Variants in MAPDA observed in about 807,000 individuals in gnomAD.
The protein encoded by MAPDA is N6-Methyl-AMP deaminase, also known as N6,N6-dimethyl-AMP deaminase.
At chr15:43,343,151 A>G in the MAPDA span, 4 of 1,050,412 alleles carry the variant, frequency 3.8e-6, no homozygotes, top group East Asian at 5.6e-5. Flanking sequence ...TCATGGGTGT[A>G]ATGGATTTTT....
At chr15:43,349,110 T>G in the MAPDA span, 18 of 1,611,052 alleles carry the variant, frequency 1.1e-5, no homozygotes, top group Non-Finnish European at 1.5e-5. Context: ...CCAGGTTGCC[T>G]GGGGATTACA....
At chr15:43,330,618 C>G in the MAPDA span, 1 of 1,115,404 alleles carries the variant, frequency 9.0e-7, no homozygotes, top group African/African-American at 1.6e-5. Context: ...TCCGCCGGCA[C>G]TTGTGCGTCA....
chr15:43,343,213 CTGT>C, the MAPDA span: 2 of 575,434 alleles, frequency 3.5e-6, no homozygotes, highest in Non-Finnish European at 5.6e-6. Flanking sequence ...ATCAAGGACC[CTGT>C]TGTTTAAAGT....
chr15:43,336,801 C>A, the MAPDA span: 1 of 765,648 alleles, frequency 1.3e-6, no homozygotes, highest in Non-Finnish European at 1.9e-6. Context: ...AATGTTTTCT[C>A]TATTATGGCA....
At chr15:43,334,633 TTATA>T in the MAPDA span, among the ~76,000 whole-genome samples, 762 of 65,164 alleles carry the variant, frequency 0.012, 28 homozygotes, top group African/African-American at 0.02. Flanking sequence ...CTCAAAAAAA[TTATA>T]TATATATATA....
the MAPDA span, chr15:43,342,986 C>T: frequency 3.9e-6 from 6 of 1,556,058 alleles, no homozygotes; most frequent in Non-Finnish European, 4.4e-6. Flanking sequence ...TCTATGTGTC[C>T]TTTCTAGGAA....
the MAPDA span, chr15:43,351,674 G>C: frequency 7.3e-7 from 1 of 1,368,538 alleles, no homozygotes; most frequent in Non-Finnish European, 9.8e-7. Context: ...TAGGAAAATA[G>C]ACTCTAAACA....
the MAPDA span, chr15:43,347,065 C>T: frequency 1.9e-6 from 3 of 1,613,642 alleles, no homozygotes; most frequent in East Asian, 4.5e-5. Flanking sequence ...GCTAAGAAAG[C>T]AGGTCTGAAG....
At chr15:43,353,544 A>G in the MAPDA span, 1 of 152,076 alleles carries the variant, frequency 6.6e-6, no homozygotes, top group African/African-American at 2.4e-5. Context: ...TTTGTATCTA[A>G]TGAGTTGACT....
At chr15:43,336,572 TAGTG>T in the MAPDA span, 10 of 1,384,520 alleles carry the variant, frequency 7.2e-6, no homozygotes, top group South Asian at 2.8e-5. Flanking sequence ...TTCATTCAGT[TAGTG>T]AGTTTCTTTG....
At chr15:43,349,265 G>A in the MAPDA span, 14 of 1,260,752 alleles carry the variant, frequency 1.1e-5, no homozygotes, top group Admixed American at 3.8e-5. Flanking sequence ...TGTCTTATTC[G>A]TTGTTACATT....
the MAPDA span, chr15:43,336,585 T>G: frequency 1.3e-6 from 2 of 1,490,996 alleles, no homozygotes; most frequent in East Asian, 4.9e-5. Context: ...TGAGTTTCTT[T>G]GATGACTAGA....
At chr15:43,338,541 T>G in the MAPDA span, among the ~76,000 whole-genome samples, 3 of 152,238 alleles carry the variant, frequency 2.0e-5, no homozygotes, top group South Asian at 6.2e-4. Context: ...TACTATCTGG[T>G]TGCAGAGCTC....
At chr15:43,337,709 A>G in the MAPDA span, among the ~76,000 whole-genome samples, 1 of 152,222 alleles carries the variant, frequency 6.6e-6, no homozygotes, top group Non-Finnish European at 1.5e-5. Flanking sequence ...GTAAAGACTG[A>G]TCTTCATGAT....
the MAPDA span, among the ~76,000 whole-genome samples, chr15:43,341,891 T>A: frequency 6.6e-6 from 1 of 152,134 alleles, no homozygotes. Flanking sequence ...CAGACTGGAG[T>A]GCAGTGGTGG....
the MAPDA span, among the ~76,000 whole-genome samples, chr15:43,348,530 T>G: frequency 4.4e-4 from 67 of 152,358 alleles, 1 homozygote; most frequent in East Asian, 0.012. Flanking sequence ...TATGAACACA[T>G]GTCTATAACG....
the MAPDA span, chr15:43,354,090 A>G: frequency 6.6e-6 from 1 of 152,220 alleles, no homozygotes; most frequent in Non-Finnish European, 1.5e-5. Context: ...TCTAGGGGAT[A>G]GCATGGGAAA....
the MAPDA span, among the ~76,000 whole-genome samples, chr15:43,336,141 A>G: frequency 6.6e-6 from 1 of 152,160 alleles, no homozygotes; most frequent in Admixed American, 6.5e-5. Flanking sequence ...TCTGGGGCTC[A>G]AGCAGTCCTC....
At chr15:43,340,248 GTTATCTTTATTAT>G in the MAPDA span, 1 of 1,609,934 alleles carries the variant, frequency 6.2e-7, no homozygotes, top group African/African-American at 1.3e-5. Flanking sequence ...TATTGTGTAC[GTTATCTTTATTAT>G]CAGGTCACAA....
Sources: allele counts gnomAD v4.1 joint callset (sites outside exome capture counted in the v4.1 genomes callset), GRCh38; gene constraint gnomAD v4.1.1; transcripts MANE v1.5; gene names NCBI Gene and HGNC (gene_info 2026-07-23, HGNC 2026-07-21).